The following KLHL1 variants were observed in gnomAD, a reference collection of about 807,000 sequenced individuals.
The protein encoded by KLHL1 is kelch-like protein 1.
Under a neutral mutation model 77.7 loss-of-function variants are expected in KLHL1, and 47 were observed. The ratio of observed to expected loss-of-function variants is 0.60; its 90% confidence interval spans 0.48 to 0.77. The LOEUF (loss-of-function observed/expected upper bound fraction) is 0.77. Among genes scored for constraint, KLHL1 ranks in the 30% least tolerant of loss-of-function variants. The probability of loss-of-function intolerance (pLI) is 0.00; values close to 1 mark genes in which losing one functional copy is unlikely to be tolerated. For missense variants in KLHL1, 925 were observed against 910.8 expected, an observed-to-expected ratio of 1.02 and a Z score of -0.20; for synonymous variants, 360 against 325.2, an observed-to-expected ratio of 1.11 and a Z score of -1.15.
intron 1 of KLHL1, among the ~76,000 whole-genome samples, chr13:70,059,157 C>CTTT (rs58877477): frequency 0.011 from 1,555 of 139,326 alleles, 16 homozygotes; most frequent in Middle Eastern, 0.024. Flanking sequence ...AATATTTCTT[C>CTTT]TTTTTTTTTT....
At chr13:69,852,799 T>C (rs781719530) in intron 5 of KLHL1, among the ~76,000 whole-genome samples, 4 of 151,994 alleles carry the variant, frequency 2.6e-5, no homozygotes, top group Non-Finnish European at 4.4e-5. Context: ...ATATACTTTG[T>C]AGAGTTTCTA....
chr13:69,920,541 A>G (rs185337421), intron 4 of KLHL1, among the ~76,000 whole-genome samples: 1 of 152,236 alleles, frequency 6.6e-6, no homozygotes, highest in Admixed American at 6.5e-5. Flanking sequence ...TAATTAAGAA[A>G]ACTATATTGA....
intron 5 of KLHL1, among the ~76,000 whole-genome samples, chr13:69,840,835 G>T (rs1324847329): frequency 6.6e-6 from 1 of 151,018 alleles, no homozygotes; most frequent in Non-Finnish European, 1.5e-5. Context: ...AGGGCCCAGT[G>T]GTGTTCATAA....
intron 10 of KLHL1, among the ~76,000 whole-genome samples, chr13:69,705,781 A>C (rs1161924419): frequency 1.3e-5 from 2 of 151,750 alleles, no homozygotes; most frequent in African/African-American, 2.4e-5. Flanking sequence ...ATGATCCAAA[A>C]AAGTATAATA....
intron 1 of KLHL1, among the ~76,000 whole-genome samples, chr13:70,022,285 GTGTGTGTGTGTGTGTGTGTA>G (rs1295234266): frequency 4.4e-5 from 4 of 90,140 alleles, no homozygotes; most frequent in Non-Finnish European, 6.8e-5. Context: ...GTGTGTTTGT[GTGTGTGTGTGTGTGTGTGTA>G]TGTGTTTGGT....
Position 70,052,438 on chromosome 13 carries a change from T to C in KLHL1, c.497+54765A>G, listed in dbSNP as rs576376135. On this transcript the variant is annotated intron_variant, in intron 1 of 10. Coordinates refer to ENST00000377844, the MANE Select transcript of KLHL1 (RefSeq NM_020866.3). ...AAGAGACATCTGTTTTGATAATAGC[T>C]GAACTACAAGAAAATTAAAAAAAAC... Among the ~76,000 whole-genome samples, 240 of 152,000 alleles carry C rather than the reference T, an allele frequency of 1.6e-3. 1 individual carries two copies. Among genetic ancestry groups the C allele is most frequent in the African/African-American group, 5.7e-3 (236 of 41,540 alleles).
intron 1 of KLHL1, among the ~76,000 whole-genome samples, chr13:70,003,579 A>C (rs1203349979): frequency 2.0e-5 from 3 of 151,812 alleles, no homozygotes; most frequent in Non-Finnish European, 3.0e-5. Flanking sequence ...AGGATATAAA[A>C]GAAATAAAGT....
chr13:70,108,006 C>G lies in KLHL1; in HGVS notation c.-307G>C. 2.3e-6 allele frequency: 1 copy of G among 442,486 alleles called. No homozygotes were observed. The highest frequency in any genetic ancestry group is 4.0e-6 in the Non-Finnish European group (1 of 251,564). 27.4% of individuals were successfully genotyped at this position (442,486 alleles called of 1,614,324 possible). A position where few individuals can be genotyped will look rare whatever the true frequency, so the allele number is the denominator to read the frequency against. On this transcript the variant is annotated 5_prime_UTR_variant, in exon 1 of 11. Coordinates refer to ENST00000377844, the MANE Select transcript of KLHL1 (RefSeq NM_020866.3). ...ATCCTCGATGCCCGCGCGAGAGCCCCGTGTTATGGCGAGGTGGGACAACCC... is the reference window on the plus strand; with the variant it reads ...ATCCTCGATGCCCGCGCGAGAGCCCGGTGTTATGGCGAGGTGGGACAACCC...
At chr13:69,898,083 G>C (rs746254517) in intron 4 of KLHL1, among the ~76,000 whole-genome samples, 3 of 152,158 alleles carry the variant, frequency 2.0e-5, no homozygotes, top group Non-Finnish European at 4.4e-5. Context: ...CCTAGGCAAG[G>C]GTCTTCCCTC....
intron 3 of KLHL1, among the ~76,000 whole-genome samples, chr13:69,960,110 C>CT (rs58284665): frequency 0.12 from 14,974 of 124,212 alleles, 1,314 homozygotes; most frequent in African/African-American, 0.22. Context: ...AGCATGTGTA[C>CT]TTTTTTTTTT....
chr13:69,955,034 G>A (rs1883825136), intron 3 of KLHL1, among the ~76,000 whole-genome samples: 1 of 151,020 alleles, frequency 6.6e-6, no homozygotes, highest in African/African-American at 2.4e-5. Flanking sequence ...ACCAGTCTTT[G>A]AAGGCTCAGT....
intron 5 of KLHL1, among the ~76,000 whole-genome samples, chr13:69,855,936 G>T (rs1879900789): frequency 6.9e-6 from 1 of 145,696 alleles, no homozygotes. Flanking sequence ...TAATATGCAT[G>T]TTTTATATAT....
At chr13:70,041,580 G>T (rs1886381323) in intron 1 of KLHL1, among the ~76,000 whole-genome samples, 1 of 152,110 alleles carries the variant, frequency 6.6e-6, no homozygotes, top group Admixed American at 6.6e-5. Context: ...CCTGGAAGGG[G>T]TAGTGTAAGG....
At chr13:70,099,459 A>G (rs544276119) in intron 1 of KLHL1, among the ~76,000 whole-genome samples, 4 of 152,074 alleles carry the variant, frequency 2.6e-5, no homozygotes, top group Non-Finnish European at 5.9e-5. Flanking sequence ...TCTCCTATCA[A>G]GAAGAAGGCA....
intron 1 of KLHL1, among the ~76,000 whole-genome samples, chr13:70,098,022 G>C (rs904792258): frequency 5.9e-5 from 9 of 151,584 alleles, no homozygotes; most frequent in African/African-American, 2.2e-4. Flanking sequence ...AACTAAACTT[G>C]AAAATATTAA....
At chr13:70,001,612 T>TATCTATCC (rs1885290881) in intron 1 of KLHL1, among the ~76,000 whole-genome samples, 1 of 151,162 alleles carries the variant, frequency 6.6e-6, no homozygotes, top group South Asian at 2.1e-4. Context: ...TCTATCTATC[T>TATCTATCC]ATCTACCTAT....
In KLHL1 at chr13:69,878,649, AAC is replaced by A. The variant is rs547484637; in HGVS notation, c.1227+3632_1227+3633del. ...ATGTAACATTACGTGTGTGTATATA[AAC>A]ACATATAAATACATACATGTATGTG... is the stretch of plus-strand genomic sequence containing the variant. On this transcript the variant is annotated intron_variant, in intron 5 of 10. Transcript: ENST00000377844. Among the ~76,000 whole-genome samples the A allele has an allele frequency of 1.9e-4, 29 of 152,096 alleles. No homozygotes were observed. In the South Asian group the frequency reaches 6.0e-3, roughly 32 times the overall value.
intron 7 of KLHL1, among the ~76,000 whole-genome samples, chr13:69,788,623 G>C (rs1361446143): frequency 6.6e-6 from 1 of 151,812 alleles, no homozygotes; most frequent in Non-Finnish European, 1.5e-5. Context: ...TAACAAACCT[G>C]CACATTGTGT....
intron 1 of KLHL1, among the ~76,000 whole-genome samples, chr13:70,050,502 A>G (rs1216790437): frequency 6.6e-6 from 1 of 151,908 alleles, no homozygotes; most frequent in Non-Finnish European, 1.5e-5. Flanking sequence ...ACTGAAATAC[A>G]TTGCACTTCA....
Sources: gnomAD v4.1 joint callset for allele counts (sites outside exome capture counted in the v4.1 genomes callset) on GRCh38, gnomAD v4.1.1 for gene constraint, MANE v1.5 for transcripts, NCBI Gene and HGNC (gene_info 2026-07-23, HGNC 2026-07-21) for gene names.